Variants in P2RY6 observed in about 807,000 individuals in gnomAD.
P2RY6 encodes P2Y purinoceptor 6.
P2RY6 carries 19 observed loss-of-function variants against 16.3 expected under a neutral mutation model. The ratio of observed to expected loss-of-function variants is 1.16; its 90% CI spans 0.81 to 1.71. The LOEUF (loss-of-function observed/expected upper bound fraction) is 1.71, where lower values mean the gene tolerates loss of function less well. Ranked by LOEUF, P2RY6 falls within the 40% of genes most tolerant of loss-of-function variation. P2RY6 has a pLI of 0.00. For synonymous variants in P2RY6, 184 were observed against 201.5 expected, an observed-to-expected ratio of 0.91 and a Z score of 0.74; for missense variants, 389 against 455.5, an observed-to-expected ratio of 0.85 and a Z score of 1.33.
chr11:73,289,626 C>T (rs1252582122), intron 1 of P2RY6, among the ~76,000 whole-genome samples: 3 of 152,250 alleles, frequency 2.0e-5, no homozygotes, highest in Admixed American at 6.5e-5. Context: ...TGTGACGGAA[C>T]GGGGCTGGCT....
intron 1 of P2RY6, among the ~76,000 whole-genome samples, chr11:73,273,030 C>T (rs1863381140): frequency 6.6e-6 from 1 of 151,624 alleles, no homozygotes; most frequent in Non-Finnish European, 1.5e-5. Context: ...GGAAGCCTCT[C>T]ACCTCTGCCA....
chr11:73,275,005 C>T (rs112772442), intron 1 of P2RY6, among the ~76,000 whole-genome samples: 11 of 152,398 alleles, frequency 7.2e-5, no homozygotes, highest in African/African-American at 1.9e-4. Context: ...GCTGCTTCCC[C>T]TGTCCCAGGG....
At chr11:73,279,699 T>G (rs542109013) in intron 1 of P2RY6, among the ~76,000 whole-genome samples, 2 of 152,364 alleles carry the variant, frequency 1.3e-5, no homozygotes, top group South Asian at 4.1e-4. Context: ...TCTTTCATGC[T>G]GGTTCCACAA....
intron 1 of P2RY6, among the ~76,000 whole-genome samples, chr11:73,286,471 G>A (rs1195387930): frequency 6.6e-6 from 1 of 151,952 alleles, no homozygotes; most frequent in African/African-American, 2.4e-5. Flanking sequence ...CTTTCCTGAG[G>A]TGGGGACTGG....
intron 1 of P2RY6, among the ~76,000 whole-genome samples, chr11:73,293,160 G>C (rs1223691379): frequency 6.6e-6 from 1 of 152,196 alleles, no homozygotes; most frequent in Non-Finnish European, 1.5e-5. Context: ...TTGATGAATG[G>C]AGATTAGTTG....
intron 1 of P2RY6, among the ~76,000 whole-genome samples, chr11:73,282,700 A>G (rs1361824004): frequency 1.3e-5 from 2 of 152,200 alleles, no homozygotes; most frequent in Non-Finnish European, 2.9e-5. Flanking sequence ...CAAAGGACAG[A>G]GCCCAGAGAG....
intron 1 of P2RY6, among the ~76,000 whole-genome samples, chr11:73,290,063 A>C (rs2135740364): frequency 6.6e-6 from 1 of 152,214 alleles, no homozygotes; most frequent in Non-Finnish European, 1.5e-5. Flanking sequence ...CTGTACTAAA[A>C]GTACAAAATT....
In P2RY6 at chr11:73,296,366, C is replaced by T. The variant is rs1050661216; in HGVS notation, c.-34-119C>T. ...GGCTTCACGGGGTGGTTAGAGTAGC[C>T]GAGTTGACAAAGTTAGTGCCCTCAC... On this transcript the variant is annotated intron_variant, in intron 2 of 2. Transcript: ENST00000540124. 7.1e-5 allele frequency: 50 copies of T among 703,310 alleles called. 1 individual carries two copies. The highest frequency in any genetic ancestry group is 4.8e-4 in the South Asian group (26 of 54,168). The allele number at this position is 703,310 out of a possible 1,614,324, so 43.6% of individuals were successfully genotyped here. A position where few individuals can be genotyped will look rare whatever the true frequency, so the allele number is the denominator to read the frequency against.
intron 1 of P2RY6, among the ~76,000 whole-genome samples, chr11:73,266,075 A>AC (rs1863093403): frequency 6.6e-6 from 1 of 152,148 alleles, no homozygotes; most frequent in Admixed American, 6.6e-5. Context: ...GTCCCTGCCC[A>AC]CCCCAGGAAC....
At chr11:73,269,035 C>T (rs937504011), upstream of P2RY6, among the ~76,000 whole-genome samples, 1 of 152,200 alleles carries the variant, frequency 6.6e-6, no homozygotes, top group African/African-American at 2.4e-5. Flanking sequence ...CAGCCCAGAG[C>T]CAGGAAGGAA....
intron 1 of P2RY6, among the ~76,000 whole-genome samples, chr11:73,265,628 G>A (rs2135673014): frequency 6.6e-6 from 1 of 152,240 alleles, no homozygotes; most frequent in Admixed American, 6.5e-5. Context: ...GGCAGGGGCA[G>A]GAGAGCTGGG....
chr11:73,294,555 G>A (rs1864398438), intron 1 of P2RY6, among the ~76,000 whole-genome samples: 1 of 152,048 alleles, frequency 6.6e-6, no homozygotes, highest in Non-Finnish European at 1.5e-5. Context: ...GTCCTAGCTG[G>A]GCACCCAGCA....
intron 1 of P2RY6, among the ~76,000 whole-genome samples, chr11:73,281,168 G>A (rs1475897123): frequency 2.0e-5 from 3 of 152,176 alleles, no homozygotes; most frequent in South Asian, 2.1e-4. Context: ...AGAGGACAGC[G>A]GGCTCTTGGC....
chr11:73,290,347 GAAAGAAA>G (rs1565170735), intron 1 of P2RY6, among the ~76,000 whole-genome samples: 11 of 141,786 alleles, frequency 7.8e-5, no homozygotes, highest in African/African-American at 3.0e-4. Context: ...AAGAAAGAAA[GAAAGAAA>G]GAAAGAAAGA....
At chr11:73,284,098 G>C (rs1863869647) in intron 1 of P2RY6, among the ~76,000 whole-genome samples, 1 of 152,104 alleles carries the variant, frequency 6.6e-6, no homozygotes, top group Admixed American at 6.5e-5. Flanking sequence ...GTATGGGGCT[G>C]ACAAGAAAGA....
intron 1 of P2RY6, among the ~76,000 whole-genome samples, chr11:73,278,478 A>T (rs1333874317): frequency 6.6e-6 from 1 of 152,160 alleles, no homozygotes; most frequent in Non-Finnish European, 1.5e-5. Flanking sequence ...AGGACTTTTT[A>T]AAGTCATCCA....
chr11:73,287,843 G>A (rs1864028368), intron 1 of P2RY6, among the ~76,000 whole-genome samples: 1 of 152,216 alleles, frequency 6.6e-6, no homozygotes, highest in Non-Finnish European at 1.5e-5. Flanking sequence ...TGGAGCACTG[G>A]GTGGGAGGTG....
intron 1 of P2RY6, among the ~76,000 whole-genome samples, chr11:73,295,187 G>T (rs923688937): frequency 1.3e-5 from 2 of 152,172 alleles, no homozygotes; most frequent in Non-Finnish European, 2.9e-5. Context: ...CCCCATCAGG[G>T]AACCCCTTAG....
intron 1 of P2RY6, among the ~76,000 whole-genome samples, chr11:73,290,267 A>C (rs1016911868): frequency 6.6e-6 from 1 of 151,100 alleles, no homozygotes; most frequent in Admixed American, 6.6e-5. Flanking sequence ...AGAGGGGGAA[A>C]GAAAAGAAAG....
Sources: gnomAD v4.1 joint callset for allele counts (sites outside exome capture counted in the v4.1 genomes callset) on GRCh38, gnomAD v4.1.1 for gene constraint, MANE v1.5 for transcripts, NCBI Gene and HGNC (gene_info 2026-07-23, HGNC 2026-07-21) for gene names.